Variants in MYH15 observed in about 807,000 individuals in gnomAD.
The protein encoded by MYH15 is myosin heavy chain 15, also known as myosin-15.
In MYH15, 227 loss-of-function variants were observed where a neutral mutation model predicts 240.5. The observed-to-expected ratio is 0.94, with a 90% CI of 0.85 to 1.05. MYH15 has a LOEUF of 1.05. Among genes scored for constraint, MYH15 ranks in the 50% least tolerant of loss-of-function variants. MYH15 has a pLI of 0.00. For missense variants in MYH15, 2,217 were observed against 2,247.5 expected, an observed-to-expected ratio of 0.99 and a Z score of 0.27; for synonymous variants, 785 against 796.7, an observed-to-expected ratio of 0.99 and a Z score of 0.25.
intron 11 of MYH15, among the ~76,000 whole-genome samples, chr3:108,478,873 T>C (rs1321603001): frequency 2.0e-5 from 3 of 152,150 alleles, no homozygotes; most frequent in Non-Finnish European, 4.4e-5. Flanking sequence ...CTGAGGAGTA[T>C]CCCACCTTAA....
In MYH15 at chr3:108,381,151, A is replaced by G. The variant is rs1247092056; in HGVS notation, c.*394T>C. On this transcript the variant is annotated 3_prime_UTR_variant, in exon 41 of 41. Transcript: ENST00000693548. ...CAAGCCAAAGTTGCCTAACTTTAGTAAAAACCATTCACCAACATGCCCTAG... is the reference window on the plus strand; with the variant it reads ...CAAGCCAAAGTTGCCTAACTTTAGTGAAAACCATTCACCAACATGCCCTAG... 5.1e-6 allele frequency: 1 copy of G among 197,732 alleles called. No homozygotes were observed. Among genetic ancestry groups the G allele is most frequent in the African/African-American group, 2.3e-5 (1 of 42,610 alleles). The allele number at this position is 197,732 out of a possible 1,614,324, so 12.2% of individuals were successfully genotyped here. A position where few individuals can be genotyped will look rare whatever the true frequency, so the allele number is the denominator to read the frequency against.
intron 38 of MYH15, among the ~76,000 whole-genome samples, chr3:108,388,497 C>T (rs1205374827): frequency 6.6e-6 from 1 of 152,082 alleles, no homozygotes; most frequent in Admixed American, 6.5e-5. Flanking sequence ...CTGGCACCAG[C>T]AACAGTGTCC....
At chr3:108,495,702 A>G (rs904510130) in intron 7 of MYH15, 78 bp downstream of exon 7, 7 of 1,052,736 alleles carry the variant, frequency 6.6e-6, no homozygotes, top group Non-Finnish European at 6.8e-6. Context: ...ATTTTTTCAT[A>G]CCTATGTGCT....
intron 27 of MYH15, among the ~76,000 whole-genome samples, chr3:108,422,006 T>G (rs1345250951): frequency 6.6e-6 from 1 of 152,212 alleles, no homozygotes; most frequent in African/African-American, 2.4e-5. Flanking sequence ...GAACTCATGC[T>G]AGTGGTTTTG....
At chr3:108,463,370 A>T (rs1310951036) in intron 15 of MYH15, 127 bp from the exon 16 acceptor site, 51 of 1,009,766 alleles carry the variant, frequency 5.1e-5, no homozygotes, top group East Asian at 2.5e-5. Context: ...GCTAGAATGC[A>T]GTGGCATAGT....
rs1338310131 is a variant in MYH15, at chr3:108,492,238, CT to C, written c.871+261del. ...CACACACACACACACTCACTCACCT[CT>C]GCTGGGCATCCTACCCATTTCCAAA... On this transcript the variant is annotated intron_variant, in intron 9 of 40. Transcript: ENST00000693548. Among the ~76,000 whole-genome samples the C allele has an allele frequency of 7.0e-4, 75 of 106,680 alleles. 1 individual carries two copies. The highest frequency in any genetic ancestry group is 2.0e-3 in the South Asian group (7 of 3,460). 70.0% of individuals were successfully genotyped at this position (106,680 alleles called of 152,430 possible).
At chr3:108,507,252 T>TC in intron 1 of MYH15, among the ~76,000 whole-genome samples, 2 of 50,216 alleles carry the variant, frequency 4.0e-5, no homozygotes, top group Admixed American at 1.9e-4. Context: ...TATATATATA[T>TC]ATATATATAT....
rs79681870 is a variant in MYH15, at chr3:108,499,608, A to T, written c.497-126T>A. 1.0e-3 allele frequency: 951 copies of T among 922,326 alleles called. 2 individuals are homozygous for T. The African/African-American group carries it at 0.014, about 14-fold the overall frequency. The allele number at this position is 922,326 out of a possible 1,614,324, so 57.1% of individuals were successfully genotyped here. On this transcript the variant is annotated intron_variant, in intron 4 of 40. Coordinates refer to ENST00000693548, the MANE Select transcript of MYH15 (RefSeq NM_014981.3). The stretch of plus-strand genomic sequence containing the variant: ...ACAAGGGAAAGGATTAGCATCATTT[A>T]TAGTTAGAAAAACATACCCCTCAAA...
chr3:108,469,999 T>A (rs765459959), intron 14 of MYH15, 43 bp downstream of exon 14: 12 of 1,573,602 alleles, frequency 7.6e-6, no homozygotes, highest in Non-Finnish European at 1.0e-5. Context: ...GCAGGGACAA[T>A]TCTCCCGAAA....
At chr3:108,395,349 T>G (rs973701014) in intron 35 of MYH15, among the ~76,000 whole-genome samples, 5 of 152,216 alleles carry the variant, frequency 3.3e-5, no homozygotes, top group South Asian at 2.1e-4. Flanking sequence ...ATGAAGCATC[T>G]TTATCAAGAC....
At position 108,383,595 on chromosome 3, in the gene MYH15, C is replaced by G. The variant is rs1422819017; in HGVS notation, c.5766G>C (p.Lys1922Asn). The G allele has an allele frequency of 6.2e-7, 1 of 1,612,444 alleles. No individual in the cohort carries two copies. The highest frequency in any genetic ancestry group is 8.5e-7 in the Non-Finnish European group (1 of 1,179,254). ...GAACAGAGTTGAATATCTGCCATAC[C>G]TTTTTCCCAAACTCTCTTGCTTTAA... ...LKIKAREFGK[K>N]VQEE The change falls in exon 40 of 41, where the codon AAG becomes AAC. Residue 1922 changes from lysine to asparagine, a missense_variant and splice_region_variant. Physicochemically the swap from Lys to Asn is moderately conservative, Grantham distance 94. Transcript: ENST00000693548.
Position 108,430,946 on chromosome 3 carries a change from A to G in MYH15, c.3222-24T>C, listed in dbSNP as rs199829370. The G allele has an allele frequency of 3.4e-5, 49 of 1,453,368 alleles. 1 individual carries two copies. The Middle Eastern group carries it at 8.7e-4, about 26-fold the overall frequency. 90.0% of individuals were successfully genotyped at this position (1,453,368 alleles called of 1,614,324 possible). A position where few individuals can be genotyped will look rare whatever the true frequency, so the allele number is the denominator to read the frequency against. ...TTCTGTTTAGAAAAAGATATCAAATACAATTGTTCAGAATAATAACATTTT... is the reference window on the plus strand; with the variant it reads ...TTCTGTTTAGAAAAAGATATCAAATGCAATTGTTCAGAATAATAACATTTT... On this transcript the variant is annotated intron_variant, in intron 25 of 40. Transcript: ENST00000693548.
At chr3:108,402,296 A>G (rs956894034) in intron 33 of MYH15, among the ~76,000 whole-genome samples, 9 of 152,204 alleles carry the variant, frequency 5.9e-5, no homozygotes, top group African/African-American at 2.2e-4. Context: ...AATAAAAGAA[A>G]CCAAGTCAGA....
intron 2 of MYH15, among the ~76,000 whole-genome samples, 190 bp from the exon 3 acceptor site, chr3:108,502,045 C>A (rs1438568620): frequency 6.6e-6 from 1 of 152,050 alleles, no homozygotes; most frequent in East Asian, 1.9e-4. Flanking sequence ...CCTCTCCTTC[C>A]CTAAAGATGA....
In MYH15 at chr3:108,384,746, T is replaced by C. The variant is rs751516410; in HGVS notation, c.5572A>G (p.Thr1858Ala). 2 of 1,613,858 alleles carry C rather than the reference T, an allele frequency of 1.2e-6. No individual in the cohort carries two copies. The highest frequency in any genetic ancestry group is 2.2e-5 in the South Asian group (2 of 91,074). Reference sequence around the variant, plus strand: ...TTTAGCTGAAGTTTATCCATCTGAGTTTGCATCCTGCTCAGATTCTTCTTG... The same window carrying C: ...TTTAGCTGAAGTTTATCCATCTGAGCTTGCATCCTGCTCAGATTCTTCTTG... ...EDKKNLSRMQ[T>A]QMDKLQLKVQ... The change falls in exon 39 of 41, where the codon ACT becomes GCT. Residue 1858 changes from threonine (T) to alanine (A), a missense_variant. Coordinates refer to ENST00000693548, the MANE Select transcript of MYH15 (RefSeq NM_014981.3).
chr3:108,501,631 T>A, intron 3 of MYH15, 81 bp downstream of exon 3: 1 of 1,564,908 alleles, frequency 6.4e-7, no homozygotes, highest in East Asian at 2.3e-5. Context: ...TTAAACTCAA[T>A]GTAAGAGATC....
At chr3:108,441,868 C>T (rs1265984593) in intron 22 of MYH15, among the ~76,000 whole-genome samples, 2 of 152,282 alleles carry the variant, frequency 1.3e-5, no homozygotes, top group South Asian at 2.1e-4. Flanking sequence ...TCTGCCAGCA[C>T]GGAGTTACAC....
chr3:108,474,465 T>A lies in MYH15; in HGVS notation c.1233+1932A>T, dbSNP rs572995827. On this transcript the variant is annotated intron_variant, in intron 12 of 40. Coordinates refer to ENST00000693548, the MANE Select transcript of MYH15 (RefSeq NM_014981.3). ...CCTAGGGGCTCCTTATTTTTTTTTT[T>A]ATTTTTTATTTTTGCTTTTTTTTGT... 1.5e-3 allele frequency among the ~76,000 whole-genome samples: 223 copies of A among 150,196 alleles called. 1 individual carries two copies. The highest frequency in any genetic ancestry group is 5.3e-3 in the African/African-American group (217 of 40,896).
chr3:108,436,873 G>C (rs1470780872), intron 25 of MYH15, among the ~76,000 whole-genome samples: 1 of 151,492 alleles, frequency 6.6e-6, no homozygotes. Flanking sequence ...ATCCCTAATG[G>C]TTAAAAGAAA....
Sources: gnomAD v4.1 joint callset for allele counts (sites outside exome capture counted in the v4.1 genomes callset) on GRCh38, gnomAD v4.1.1 for gene constraint, MANE v1.5 for transcripts, NCBI Gene and HGNC (gene_info 2026-07-23, HGNC 2026-07-21) for gene names.